The following ATG10 variants were observed in gnomAD, a reference collection of about 807,000 sequenced individuals.
ATG10 encodes autophagy related 10.
ATG10 carries 30 observed loss-of-function variants against 32.1 expected under a neutral mutation model. The observed-to-expected ratio is 0.94, with a 90% CI of 0.70 to 1.27. The LOEUF is 1.27. Ranked by LOEUF, ATG10 falls within the 50% of genes most tolerant of loss-of-function variation. The probability of loss-of-function intolerance (pLI) is 0.00; values close to 1 mark genes in which losing one functional copy is unlikely to be tolerated. For synonymous variants in ATG10, 87 were observed against 91.5 expected (o/e 0.95, Z 0.28); for missense variants, 233 against 262.3 (o/e 0.89, Z 0.77).
chr5:82,205,557 G>A (rs1245527052), intron 5 of ATG10, among the ~76,000 whole-genome samples: 1 of 152,150 alleles, frequency 6.6e-6, no homozygotes, highest in African/African-American at 2.4e-5. Flanking sequence ...CAAAATATGA[G>A]TATGGATTCA....
intron 3 of ATG10, among the ~76,000 whole-genome samples, chr5:82,127,916 A>G (rs1404219707): frequency 6.6e-6 from 1 of 151,874 alleles, no homozygotes; most frequent in African/African-American, 2.4e-5. Flanking sequence ...GTGGGAGTCT[A>G]AGTCTCTTTG....
intron 3 of ATG10, among the ~76,000 whole-genome samples, chr5:82,113,635 C>G (rs551450700): frequency 6.6e-6 from 1 of 152,034 alleles, no homozygotes; most frequent in South Asian, 2.1e-4. Flanking sequence ...CTCTAGCAGG[C>G]CTTCCTCTAA....
At chr5:81,998,543 A>C (rs544091085) in intron 2 of ATG10, among the ~76,000 whole-genome samples, 1 of 152,364 alleles carries the variant, frequency 6.6e-6, no homozygotes. Context: ...TATCAATATG[A>C]ACCATGAATG....
chr5:81,997,488 C>T (rs1761703058), intron 2 of ATG10, among the ~76,000 whole-genome samples: 1 of 152,210 alleles, frequency 6.6e-6, no homozygotes, highest in African/African-American at 2.4e-5. Flanking sequence ...CCAGAGTTGT[C>T]TTCTTACCTC....
intron 5 of ATG10, among the ~76,000 whole-genome samples, chr5:82,234,308 G>T (rs1174340616): frequency 2.0e-5 from 3 of 152,126 alleles, no homozygotes; most frequent in Non-Finnish European, 4.4e-5. Context: ...GTAGCATATT[G>T]GGGGAGAGAC....
chr5:82,120,936 G>A (rs1370773446), intron 3 of ATG10, among the ~76,000 whole-genome samples: 1 of 152,012 alleles, frequency 6.6e-6, no homozygotes, highest in East Asian at 1.9e-4. Flanking sequence ...CATTTATTAC[G>A]TTGCATTTAT....
At chr5:82,051,874 A>G (rs900758363) in intron 2 of ATG10, among the ~76,000 whole-genome samples, 2 of 152,168 alleles carry the variant, frequency 1.3e-5, no homozygotes, top group African/African-American at 4.8e-5. Context: ...AAACTTTTCT[A>G]CTTAGCAGTA....
chr5:82,099,931 A>G (rs773695991), intron 3 of ATG10, among the ~76,000 whole-genome samples: 45 of 146,766 alleles, frequency 3.1e-4, no homozygotes, highest in Non-Finnish European at 5.2e-4. Context: ...CTTACACTCA[A>G]TGTACTAATA....
At chr5:82,154,688 A>G (rs1767740688) in intron 3 of ATG10, among the ~76,000 whole-genome samples, 1 of 152,218 alleles carries the variant, frequency 6.6e-6, no homozygotes, top group South Asian at 2.1e-4. Context: ...TGAGAGCTTA[A>G]TGTTGCTCTC....
intron 3 of ATG10, among the ~76,000 whole-genome samples, chr5:82,138,081 A>G (rs1482659855): frequency 6.6e-6 from 1 of 152,072 alleles, no homozygotes; most frequent in Non-Finnish European, 1.5e-5. Context: ...TGTCCCCAGC[A>G]AGCTTGAGTG....
chr5:82,191,839 C>T (rs569740224), intron 5 of ATG10, among the ~76,000 whole-genome samples: 12 of 152,170 alleles, frequency 7.9e-5, no homozygotes, highest in African/African-American at 2.4e-4. Context: ...CCCTAGGACT[C>T]GTCAGGACAT....
chr5:82,156,548 T>C (rs1417051715), intron 3 of ATG10, among the ~76,000 whole-genome samples: 1 of 152,198 alleles, frequency 6.6e-6, no homozygotes, highest in East Asian at 1.9e-4. Context: ...CCTTGGGCCT[T>C]CCTCCTAGAG....
At chr5:82,038,682 T>TTTG (rs1267621529) in intron 2 of ATG10, among the ~76,000 whole-genome samples, 2 of 152,192 alleles carry the variant, frequency 1.3e-5, no homozygotes, top group African/African-American at 4.8e-5. Context: ...GTAGCAAGCT[T>TTTG]TTGTTGTTGC....
chr5:82,221,928 T>C (rs1745943778), intron 5 of ATG10, among the ~76,000 whole-genome samples: 1 of 152,232 alleles, frequency 6.6e-6, no homozygotes. Context: ...AACGTTTTGC[T>C]AGTCTTTTAG....
chr5:82,119,759 C>T (rs1765971753), intron 3 of ATG10, among the ~76,000 whole-genome samples: 1 of 152,062 alleles, frequency 6.6e-6, no homozygotes, highest in Non-Finnish European at 1.5e-5. Flanking sequence ...CCGTGCCTGG[C>T]CTGAATTACC....
At chr5:82,097,534 A>C (rs1371533860) in intron 3 of ATG10, among the ~76,000 whole-genome samples, 2 of 152,206 alleles carry the variant, frequency 1.3e-5, no homozygotes, top group Admixed American at 1.3e-4. Context: ...AACGAAACCC[A>C]AACTAGAAAC....
At chr5:82,225,717 A>G (rs1746105973) in intron 5 of ATG10, among the ~76,000 whole-genome samples, 1 of 151,884 alleles carries the variant, frequency 6.6e-6, no homozygotes, top group Non-Finnish European at 1.5e-5. Flanking sequence ...TACATTAAGG[A>G]GTGTCTCTGT....
intron 2 of ATG10, among the ~76,000 whole-genome samples, chr5:82,055,314 G>T (rs1450656294): frequency 6.6e-6 from 1 of 151,968 alleles, no homozygotes; most frequent in African/African-American, 2.4e-5. Context: ...TAAAAAAATG[G>T]TATTAGAAAT....
At chr5:82,106,917 A>G (rs1290705096) in intron 3 of ATG10, among the ~76,000 whole-genome samples, 1 of 151,982 alleles carries the variant, frequency 6.6e-6, no homozygotes, top group Non-Finnish European at 1.5e-5. Flanking sequence ...CTCCAACTTC[A>G]TGTGATAGCA....
Sources: gnomAD v4.1 joint callset for allele counts (sites outside exome capture counted in the v4.1 genomes callset) on GRCh38, gnomAD v4.1.1 for gene constraint, MANE v1.5 for transcripts, NCBI Gene and HGNC (gene_info 2026-07-23, HGNC 2026-07-21) for gene names.